CCNB2: variants seen among roughly 807,000 people sequenced by gnomAD.
CCNB2 encodes G2/mitotic-specific cyclin-B2.
Under a neutral mutation model 51.1 loss-of-function variants are expected in CCNB2, and 39 were observed. The ratio of observed to expected loss-of-function variants is 0.76; its 90% CI spans 0.59 to 1.00. The LOEUF (loss-of-function observed/expected upper bound fraction) is 1.00, where lower values mean the gene tolerates loss of function less well. Among genes scored for constraint, CCNB2 ranks in the 50% least tolerant of loss-of-function variants. CCNB2 has a pLI of 0.00. For missense variants in CCNB2, 472 were observed against 470.3 expected, an observed-to-expected ratio of 1.00 and a Z score of -0.03; for synonymous variants, 174 against 165.5, an observed-to-expected ratio of 1.05 and a Z score of -0.40.
rs1281013606 is a variant in CCNB2, at chr15:59,107,592, CA to C, written c.193del (p.Thr65GlnfsTer8). ...QNTKVPVQPT[K>X]TTNVNKQLKP... ...ACACCAAAGTTCCAGTTCAACCCAC[CA>C]AAACAACAAATGTCAACAAACAACT... On this transcript the variant is annotated frameshift_variant, in exon 3 of 9. Coordinates refer to ENST00000288207, the MANE Select transcript of CCNB2 (RefSeq NM_004701.4). LOFTEE classifies it high-confidence loss of function. 6.2e-7 allele frequency: 1 copy of C among 1,614,006 alleles called. No individual in the cohort carries two copies. The highest frequency in any genetic ancestry group is 1.7e-5 in the Admixed American group (1 of 60,000).
intron 1 of CCNB2, 26 bp downstream of exon 1, chr15:59,105,318 A>G (rs2079230951): frequency 1.3e-6 from 2 of 1,551,202 alleles, no homozygotes; most frequent in African/African-American, 2.7e-5. Context: ...GACCGCTCTC[A>G]GAGGCGAGTC....
At chr15:59,113,556 GAAT>G (rs1256563357) in intron 3 of CCNB2, among the ~76,000 whole-genome samples, 2 of 151,964 alleles carry the variant, frequency 1.3e-5, no homozygotes, top group Non-Finnish European at 2.9e-5. Context: ...AGAAAAAACA[GAAT>G]AATACACATA....
chr15:59,116,470 T>C (rs2079279063), intron 5 of CCNB2, among the ~76,000 whole-genome samples: 1 of 144,872 alleles, frequency 6.9e-6, no homozygotes, highest in Admixed American at 7.0e-5. Context: ...TTATGAGGAT[T>C]GGGTGAGATA....
At chr15:59,116,643 C>A (rs778267846) in intron 5 of CCNB2, 47 bp from the exon 6 acceptor site, 3 of 1,326,918 alleles carry the variant, frequency 2.3e-6, no homozygotes, top group Non-Finnish European at 2.1e-6. Context: ...CCTAAAGCTT[C>A]ACTCTTCTTG....
At chr15:59,120,432 T>G (rs56891889) in intron 7 of CCNB2, among the ~76,000 whole-genome samples, 7,477 of 152,030 alleles carry the variant, frequency 0.049, 429 homozygotes, top group African/African-American at 0.14. Context: ...GGAGGCTGCA[T>G]TGACCTATGA....
At chr15:59,105,801 T>G (rs1385746708) in intron 1 of CCNB2, among the ~76,000 whole-genome samples, 4 of 152,220 alleles carry the variant, frequency 2.6e-5, no homozygotes, top group Non-Finnish European at 5.9e-5. Context: ...TCACATTTCT[T>G]TTTGTATGAG....
intron 3 of CCNB2, among the ~76,000 whole-genome samples, chr15:59,110,126 A>C (rs1191962240): frequency 6.6e-6 from 1 of 152,134 alleles, no homozygotes; most frequent in Non-Finnish European, 1.5e-5. Flanking sequence ...TAAATATGTT[A>C]CTAAAGAAAC....
In CCNB2 at chr15:59,114,501, T is replaced by G; in HGVS notation, c.325T>G (p.Phe109Val). ...SMKEENLCQAFSDALLCKIED... is the reference protein window; with the variant it reads ...SMKEENLCQAVSDALLCKIED... Reference sequence around the variant, plus strand: ...GAAGGAAGAGAATCTCTGCCAAGCTTTTTCTGATGCCTTGCTCTGCAAAAT... The same window carrying G: ...GAAGGAAGAGAATCTCTGCCAAGCTGTTTCTGATGCCTTGCTCTGCAAAAT... The change falls in exon 4 of 9, where the codon TTT (phenylalanine) becomes GTT (valine). Residue 109 changes from phenylalanine to valine, a missense_variant. By Grantham distance (50) the Phe-to-Val change is conservative. Transcript: ENST00000288207. 2 of 1,613,862 alleles carry G rather than the reference T, an allele frequency of 1.2e-6. No individual in the cohort carries two copies. Among genetic ancestry groups the G allele is most frequent in the Non-Finnish European group, 1.7e-6 (2 of 1,179,878 alleles).
chr15:59,105,255 C>G lies in CCNB2; in HGVS notation c.-14C>G. 1 of 1,565,200 alleles carries G rather than the reference C, an allele frequency of 6.4e-7. No individual in the cohort carries two copies. The highest frequency in any genetic ancestry group is 8.6e-7 in the Non-Finnish European group (1 of 1,157,354). ...CCCTGGGCCGGGCTGGCACTCTTGC[C>G]TTCCCCGTCCCTCATGGCGCTGCTC... On this transcript the variant is annotated 5_prime_UTR_variant, in exon 1 of 9. Transcript: ENST00000288207.
intron 7 of CCNB2, among the ~76,000 whole-genome samples, chr15:59,119,090 G>A (rs571625086): frequency 6.6e-6 from 1 of 152,276 alleles, no homozygotes; most frequent in Admixed American, 6.5e-5. Context: ...ACTTCTGATT[G>A]TAACCTTTTA....
At chr15:59,109,067 G>C (rs1365878900) in intron 3 of CCNB2, among the ~76,000 whole-genome samples, 3 of 152,144 alleles carry the variant, frequency 2.0e-5, no homozygotes, top group Non-Finnish European at 1.5e-5. Flanking sequence ...TATTTTTGGG[G>C]GGGGACGGAG....
chr15:59,122,387 G>A (rs1285623207), intron 7 of CCNB2, among the ~76,000 whole-genome samples: 41 of 150,886 alleles, frequency 2.7e-4, no homozygotes, highest in African/African-American at 1.0e-3. Flanking sequence ...ACCATGCCCG[G>A]GGAATTTATG....
In CCNB2 at chr15:59,124,466, C is replaced by T. The variant is rs879545; in HGVS notation, c.1087-301C>T. The T allele has an allele frequency of 8.5e-3, 3,312 of 390,042 alleles. 158 individuals carry two copies. The Admixed American group carries it at 0.11, about 13-fold the overall frequency. 24.2% of individuals were successfully genotyped at this position (390,042 alleles called of 1,614,324 possible). A position where few individuals can be genotyped will look rare whatever the true frequency, so the allele number is the denominator to read the frequency against. ...TTATGTCCTGATGGCACTTAGGTGT[C>T]GTAAACACAGCTCCCCCTCCCATCC... is the stretch of plus-strand genomic sequence containing the variant. On this transcript the variant is annotated intron_variant, in intron 8 of 8. Transcript: ENST00000288207.
chr15:59,114,754 A>G lies in CCNB2; in HGVS notation c.475A>G (p.Arg159Gly), dbSNP rs1451048568. The G allele has an allele frequency of 5.6e-6, 9 of 1,613,700 alleles. No homozygotes were observed. Among genetic ancestry groups the G allele is most frequent in the African/African-American group, 1.3e-5 (1 of 75,028 alleles). Residue 159 changes from arginine to glycine, a missense_variant, in exon 5 of 9, where the codon AGA becomes GGA. Physicochemically the swap from Arg to Gly is moderately radical, Grantham distance 125. Transcript: ENST00000288207. ...CATAAACCCACATTTCTTAGATGGAAGAGATATAAATGGACGCATGCGTGC... is the reference window on the plus strand; with the variant it reads ...CATAAACCCACATTTCTTAGATGGAGGAGATATAAATGGACGCATGCGTGC... ...QSINPHFLDG[R>G]DINGRMRAIL...
Position 59,117,314 on chromosome 15 carries a change from G to A in CCNB2, c.921G>A (p.Lys307=), listed in dbSNP as rs757184223. 3 of 1,613,944 alleles carry A rather than the reference G, an allele frequency of 1.9e-6. No homozygotes were observed. The highest frequency in any genetic ancestry group is 2.5e-6 in the Non-Finnish European group (3 of 1,180,012). ...ATATGGTGCATTATCATCCTTCTAA[G>A]GTAGCAGCAGCTGCTTCCTGCTTGT... ...DYDMVHYHPS[K]VAAAASCLSQ... The change falls in exon 7 of 9, where the codon AAG becomes AAA. Residue 307 remains lysine (K), a synonymous_variant. Transcript: ENST00000288207.
rs1409865422 is a variant in CCNB2 at position 59,124,833 on chromosome 15, A to G, written c.1153A>G (p.Lys385Glu). 1.1e-5 allele frequency: 17 copies of G among 1,609,030 alleles called. No homozygotes were observed. Among genetic ancestry groups the G allele is most frequent in the Non-Finnish European group, 1.4e-5 (17 of 1,177,732 alleles). ...KISMIPQLNS[K>E]AVKDLASPLI... ...CAGCATGATCCCTCAGCTGAACTCA[A>G]AAGCCGTCAAAGACCTTGCCTCCCC... The change falls in exon 9 of 9, where the codon AAA becomes GAA. Residue 385 changes from lysine (K) to glutamate (E), a missense_variant. Coordinates refer to ENST00000288207, the MANE Select transcript of CCNB2 (RefSeq NM_004701.4).
chr15:59,123,733 AAC>A (rs1374049381), intron 8 of CCNB2, 106 bp downstream of exon 8: 12 of 647,402 alleles, frequency 1.9e-5, no homozygotes, highest in Non-Finnish European at 3.3e-5. Context: ...ATATATTAAT[AAC>A]ATGTGGGAGT....
chr15:59,122,241 C>CTTTTTTTTTTTTTTTTTTTTT lies in CCNB2; in HGVS notation c.976-1271_976-1251dup, dbSNP rs1162917277. Among the ~76,000 whole-genome samples, 4 of 72,990 alleles carry CTTTTTTTTTTTTTTTTTTTTT rather than the reference C, an allele frequency of 5.5e-5. 1 individual carries two copies. Among genetic ancestry groups the CTTTTTTTTTTTTTTTTTTTTT allele is most frequent in the African/African-American group, 2.3e-4 (4 of 17,168 alleles). The allele number at this position is 72,990 out of a possible 152,430, so 47.9% of individuals were successfully genotyped here. A position where few individuals can be genotyped will look rare whatever the true frequency, so the allele number is the denominator to read the frequency against. ...TCTTAAATAAAGTCAGTTGACATAT[C>CTTTTTTTTTTTTTTTTTTTTT]TTTTTTTTTTTTTTTTTTTTTTTTT... On this transcript the variant is annotated intron_variant, in intron 7 of 8. Transcript: ENST00000288207.
At chr15:59,113,621 C>A (rs889046746) in intron 3 of CCNB2, among the ~76,000 whole-genome samples, 1 of 151,990 alleles carries the variant, frequency 6.6e-6, no homozygotes, top group Non-Finnish European at 1.5e-5. Flanking sequence ...CAGAATAATA[C>A]ACATATTAAC....
Sources: allele counts gnomAD v4.1 joint callset (sites outside exome capture counted in the v4.1 genomes callset), GRCh38; gene constraint gnomAD v4.1.1; transcripts MANE v1.5; gene names NCBI Gene and HGNC (gene_info 2026-07-23, HGNC 2026-07-21).